Variants in IKZF1 observed in about 807,000 individuals in gnomAD.
The protein encoded by IKZF1 is IKAROS family zinc finger 1, also known as DNA-binding protein Ikaros.
IKZF1 carries 10 observed loss-of-function variants against 51.7 expected under a neutral mutation model. The ratio of observed to expected loss-of-function variants is 0.19; its 90% CI spans 0.12 to 0.33. The LOEUF (loss-of-function observed/expected upper bound fraction) is 0.33, where lower values mean the gene tolerates loss of function less well. Ranked by LOEUF, IKZF1 falls within the 10% of genes least tolerant of loss-of-function variation. IKZF1 has a pLI of 1.00. For synonymous variants in IKZF1, 280 were observed against 282.3 expected, an observed-to-expected ratio of 0.99 and a Z score of 0.08; for missense variants, 484 against 707.5, an observed-to-expected ratio of 0.68 and a Z score of 3.58.
intron 3 of IKZF1, among the ~76,000 whole-genome samples, chr7:50,349,758 C>T (rs1175251591): frequency 5.3e-5 from 8 of 152,134 alleles, no homozygotes; most frequent in Non-Finnish European, 1.5e-5. Context: ...TATTCTATTG[C>T]ATTTTATCAA....
upstream of IKZF1, among the ~76,000 whole-genome samples, chr7:50,303,855 G>A (rs1385379319): frequency 6.7e-6 from 1 of 148,910 alleles, no homozygotes; most frequent in South Asian, 2.1e-4. This position sits in a 1 kb window ranked among gnomAD's most constrained non-coding sequence, Gnocchi z 4.7. Flanking sequence ...CCCTCCTGGC[G>A]GCCCGCACGT....
At chr7:50,323,385 A>G (rs1354745406) in intron 2 of IKZF1, among the ~76,000 whole-genome samples, 1 of 152,236 alleles carries the variant, frequency 6.6e-6, no homozygotes, top group Non-Finnish European at 1.5e-5. Flanking sequence ...AGAGAATTAT[A>G]TCCTCTTGGG....
chr7:50,337,327 A>C lies in IKZF1; in HGVS notation c.160+9570A>C, dbSNP rs1337944681. Among the ~76,000 whole-genome samples, 3 of 152,308 alleles carry C rather than the reference A, an allele frequency of 2.0e-5. No homozygotes were observed. In the East Asian group the frequency reaches 5.8e-4, roughly 29 times the overall value. On this transcript the variant is annotated intron_variant, in intron 3 of 7. Transcript: ENST00000331340. The stretch of plus-strand genomic sequence containing the variant: ...TAGAAAGGATTAAAATCTAACTAGC[A>C]GCCCCAGGGTAGGCCGGCGTGAGTC...
chr7:50,359,191 G>T (rs1804465466), intron 3 of IKZF1, among the ~76,000 whole-genome samples: 1 of 152,090 alleles, frequency 6.6e-6, no homozygotes, highest in Admixed American at 6.5e-5. Context: ...AGCCCAAGAG[G>T]TCAAGACTGC....
intron 5 of IKZF1, among the ~76,000 whole-genome samples, chr7:50,383,018 T>C (rs893654955): frequency 1.4e-4 from 21 of 152,208 alleles, no homozygotes; most frequent in Non-Finnish European, 2.6e-4. Context: ...ATGGTTTCCC[T>C]AAAGGATTTT....
Position 50,360,062 on chromosome 7 carries a change from G to A in IKZF1, c.161-16471G>A, listed in dbSNP as rs531138042. Reference sequence around the variant, plus strand: ...CCATGGCCGAGAGCGGCGGGATTAAGAGGGCAACTGAGTTGTTCTTCCCAT... The same window carrying A: ...CCATGGCCGAGAGCGGCGGGATTAAAAGGGCAACTGAGTTGTTCTTCCCAT... On this transcript the variant is annotated intron_variant, in intron 3 of 7. Coordinates refer to ENST00000331340, the MANE Select transcript of IKZF1 (RefSeq NM_006060.6). Among the ~76,000 whole-genome samples, 76 of 152,252 alleles carry A rather than the reference G, an allele frequency of 5.0e-4. 1 individual carries two copies. In the South Asian group the frequency reaches 0.015, roughly 30 times the overall value.
intron 3 of IKZF1, 37 bp downstream of exon 3, chr7:50,327,794 C>T (rs2153385142): frequency 6.4e-7 from 1 of 1,553,400 alleles, no homozygotes; most frequent in South Asian, 1.2e-5. Context: ...GCCTGTGAAA[C>T]CTTTATCTCT....
intron 3 of IKZF1, among the ~76,000 whole-genome samples, chr7:50,329,681 C>A (rs1437678881): frequency 1.3e-5 from 2 of 152,218 alleles, no homozygotes; most frequent in Non-Finnish European, 2.9e-5. Context: ...GGGTACTGTT[C>A]TTCCTGCTTA....
chr7:50,333,098 TAGAAA>T (rs1796779566), intron 3 of IKZF1, among the ~76,000 whole-genome samples: 1 of 149,270 alleles, frequency 6.7e-6, no homozygotes, highest in African/African-American at 2.5e-5. Flanking sequence ...AAAAAAAAAG[TAGAAA>T]AGAAATCTAG....
chr7:50,389,539 C>T (rs929047275), intron 6 of IKZF1, among the ~76,000 whole-genome samples: 15 of 152,210 alleles, frequency 9.9e-5, no homozygotes, highest in African/African-American at 3.4e-4. Context: ...GGTCTGGTCT[C>T]AGTGTGGCAG....
intron 6 of IKZF1, 77 bp downstream of exon 6, chr7:50,387,547 A>G (rs1813749606): frequency 6.7e-7 from 1 of 1,483,012 alleles, no homozygotes; most frequent in South Asian, 1.4e-5. Context: ...CTCTGCATGC[A>G]GCCTTAGGAG....
chr7:50,358,346 G>A (rs1233404780), intron 3 of IKZF1, among the ~76,000 whole-genome samples: 2 of 152,252 alleles, frequency 1.3e-5, no homozygotes, highest in East Asian at 3.8e-4. Context: ...GAGATGTGAG[G>A]TTTTGACAGA....
intron 7 of IKZF1, among the ~76,000 whole-genome samples, chr7:50,396,545 C>T (rs1410583467): frequency 1.3e-5 from 2 of 152,174 alleles, no homozygotes; most frequent in African/African-American, 2.4e-5. Context: ...CTAGGAGGGA[C>T]TCTATGGTCT....
intron 3 of IKZF1, among the ~76,000 whole-genome samples, chr7:50,336,110 A>G (rs927841195): frequency 3.9e-5 from 6 of 152,162 alleles, no homozygotes; most frequent in Non-Finnish European, 8.8e-5. Flanking sequence ...TGACCCCTAC[A>G]AAAAGCTTAC....
intron 1 of IKZF1, among the ~76,000 whole-genome samples, chr7:50,311,100 CAG>C (rs984042208): frequency 6.6e-6 from 1 of 152,138 alleles, no homozygotes; most frequent in Non-Finnish European, 1.5e-5. Context: ...GTAAACAAAA[CAG>C]AGGTCAGAAT....
At chr7:50,396,654 G>A (rs1816787399) in intron 7 of IKZF1, among the ~76,000 whole-genome samples, 1 of 152,016 alleles carries the variant, frequency 6.6e-6, no homozygotes, top group Non-Finnish European at 1.5e-5. Flanking sequence ...GTCTGATATA[G>A]CTTGATTGAC....
chr7:50,345,836 G>A (rs1354421897), intron 3 of IKZF1, among the ~76,000 whole-genome samples: 2 of 152,186 alleles, frequency 1.3e-5, no homozygotes, highest in African/African-American at 2.4e-5. Flanking sequence ...TCAGGAGTTC[G>A]AGACTAGCCT....
At chr7:50,388,066 A>G (rs1420776249) in intron 6 of IKZF1, among the ~76,000 whole-genome samples, 10 of 152,200 alleles carry the variant, frequency 6.6e-5, no homozygotes, top group Non-Finnish European at 1.2e-4. Flanking sequence ...ACTGTATTGC[A>G]TAACGAGATA....
chr7:50,331,338 T>C (rs1449287223), intron 3 of IKZF1, among the ~76,000 whole-genome samples: 1 of 150,442 alleles, frequency 6.6e-6, no homozygotes, highest in Non-Finnish European at 1.5e-5. Flanking sequence ...AGGGCAAGAC[T>C]AAAGGACAGA....
Sources: gnomAD v4.1 joint callset for allele counts (sites outside exome capture counted in the v4.1 genomes callset) on GRCh38, gnomAD v4.1.1 for gene constraint, Gnocchi (gnomAD v3.1) non-coding constraint, MANE v1.5 for transcripts, NCBI Gene and HGNC (gene_info 2026-07-23, HGNC 2026-07-21) for gene names.